Variants in STIM2 observed in about 807,000 individuals in gnomAD.
STIM2 encodes stromal interaction molecule 2.
A neutral mutation model predicts 85.8 loss-of-function variants in STIM2; 31 were observed. The ratio of observed to expected loss-of-function variants is 0.36; its 90% CI spans 0.27 to 0.49. The LOEUF (loss-of-function observed/expected upper bound fraction) is 0.49. Ranked by LOEUF, STIM2 falls within the 20% of genes least tolerant of loss-of-function variation. STIM2 has a pLI of 0.98. For synonymous variants in STIM2, 356 were observed against 331.1 expected (o/e 1.08, Z -0.82); for missense variants, 841 against 927.6 (o/e 0.91, Z 1.21).
chr4:26,963,248 T>G (rs1726550898), intron 3 of STIM2, among the ~76,000 whole-genome samples: 1 of 152,088 alleles, frequency 6.6e-6, no homozygotes, highest in Admixed American at 6.6e-5. Context: ...GTAAGGGAAG[T>G]TATAAATATT....
intron 2 of STIM2, among the ~76,000 whole-genome samples, chr4:26,928,518 G>T (rs1412430192): frequency 6.6e-6 from 1 of 152,100 alleles, no homozygotes; most frequent in Admixed American, 6.6e-5. Flanking sequence ...TACCTCATCA[G>T]ATATACTTTT....
At chr4:27,007,440 C>CTTTTT (rs74272718) in intron 7 of STIM2, 93 bp from the exon 8 acceptor site, 1 of 633,506 alleles carries the variant, frequency 1.6e-6, no homozygotes, top group Non-Finnish European at 2.3e-6. Flanking sequence ...ATTAAAATAG[C>CTTTTT]TTTTTTTTTT....
chr4:26,952,541 C>T (rs1359283552), intron 2 of STIM2, among the ~76,000 whole-genome samples: 1 of 151,888 alleles, frequency 6.6e-6, no homozygotes, highest in Non-Finnish European at 1.5e-5. Context: ...TCCTCATAAC[C>T]CTTTGAAGGT....
intron 1 of STIM2, among the ~76,000 whole-genome samples, chr4:26,883,523 A>C (rs1441759735): frequency 5.3e-5 from 8 of 152,166 alleles, no homozygotes; most frequent in Admixed American, 4.6e-4. Flanking sequence ...TTATAGAAAC[A>C]CAGGAATGAG....
At chr4:26,909,325 A>G (rs1281856962) in intron 1 of STIM2, among the ~76,000 whole-genome samples, 1 of 152,208 alleles carries the variant, frequency 6.6e-6, no homozygotes, top group Non-Finnish European at 1.5e-5. Flanking sequence ...ATAACCTTGC[A>G]AGGGTGCTAT....
chr4:27,001,591 T>C (rs1206151604), intron 5 of STIM2, among the ~76,000 whole-genome samples: 7 of 152,164 alleles, frequency 4.6e-5, no homozygotes, highest in Admixed American at 4.6e-4. Context: ...TTGCGCACTG[T>C]AGGGTGTTCA....
chr4:26,900,288 A>G (rs1723869829), intron 1 of STIM2, among the ~76,000 whole-genome samples: 1 of 152,260 alleles, frequency 6.6e-6, no homozygotes, highest in East Asian at 1.9e-4. Flanking sequence ...AATACTAGGT[A>G]ATTGAGAGAA....
At chr4:26,930,892 T>C (rs1725184332) in intron 2 of STIM2, among the ~76,000 whole-genome samples, 1 of 152,298 alleles carries the variant, frequency 6.6e-6, no homozygotes, top group African/African-American at 2.4e-5. Context: ...AACACACATT[T>C]CTCATTTCAT....
chr4:27,007,934 C>CT, intron 8 of STIM2: 1 of 721,786 alleles, frequency 1.4e-6, no homozygotes, highest in Non-Finnish European at 2.5e-6. Context: ...AAACATTATT[C>CT]TTTTTTATCA....
chr4:26,901,518 A>G (rs1405171318), intron 1 of STIM2, among the ~76,000 whole-genome samples: 1 of 152,190 alleles, frequency 6.6e-6, no homozygotes, highest in Non-Finnish European at 1.5e-5. Context: ...CCTCATTGCA[A>G]AGGTATAACT....
intron 4 of STIM2, among the ~76,000 whole-genome samples, chr4:26,997,914 A>G (rs1025787870): frequency 2.6e-5 from 4 of 152,192 alleles, no homozygotes; most frequent in African/African-American, 9.7e-5. Flanking sequence ...ATTTTTCCAT[A>G]CTTAGAGAGT....
intron 1 of STIM2, among the ~76,000 whole-genome samples, chr4:26,917,393 G>A (rs762794062): frequency 3.9e-5 from 6 of 152,104 alleles, no homozygotes; most frequent in Admixed American, 6.5e-5. Context: ...TCTGGTGCCT[G>A]ACATTTGGTA....
chr4:26,960,459 T>C (rs1726407934), intron 3 of STIM2, among the ~76,000 whole-genome samples: 1 of 152,206 alleles, frequency 6.6e-6, no homozygotes, highest in Non-Finnish European at 1.5e-5. Context: ...TTATCATTGT[T>C]GTGTCTCCCA....
intron 3 of STIM2, among the ~76,000 whole-genome samples, chr4:26,972,677 T>TC: frequency 6.6e-6 from 1 of 152,350 alleles, no homozygotes; most frequent in Non-Finnish European, 1.5e-5. Context: ...TCGTTGTTGA[T>TC]CAGGGATATT....
chr4:26,880,647 A>ATATATATGTAAATATATATATATG lies in STIM2; in HGVS notation c.151+19285_151+19286insGTAAATATATATATATGTATATAT, dbSNP rs112602704. 2.7e-3 allele frequency among the ~76,000 whole-genome samples: 385 copies of ATATATATGTAAATATATATATATG among 145,206 alleles called. 2 individuals are homozygous for ATATATATGTAAATATATATATATG. The highest frequency in any genetic ancestry group is 4.4e-3 in the Non-Finnish European group (296 of 66,798). On this transcript the variant is annotated intron_variant, in intron 1 of 11. Transcript: ENST00000467087. ...AATATATATATAAATATATATGTAA[A>ATATATATGTAAATATATATATATG]TATATATATAAATATATATGTAAAT...
chr4:26,919,126 GT>G (rs113389815), intron 1 of STIM2, among the ~76,000 whole-genome samples: 261 of 136,132 alleles, frequency 1.9e-3, no homozygotes, highest in Middle Eastern at 3.7e-3. Flanking sequence ...ATTTTTTAGT[GT>G]TTTTTTTTTT....
chr4:26,972,251 A>G (rs1028500059), intron 3 of STIM2, among the ~76,000 whole-genome samples: 5 of 151,942 alleles, frequency 3.3e-5, no homozygotes, highest in Non-Finnish European at 5.9e-5. Flanking sequence ...TTGCCTGATT[A>G]CCCTGGCCAC....
rs1472046400 is a variant in STIM2, at chr4:27,023,102, A to G, written c.*106A>G. 9.0e-7 allele frequency: 1 copy of G among 1,114,918 alleles called. No individual in the cohort carries two copies. Among genetic ancestry groups the G allele is most frequent in the Non-Finnish European group, 1.3e-6 (1 of 779,202 alleles). The allele number at this position is 1,114,918 out of a possible 1,614,324, so 69.1% of individuals were successfully genotyped here. A position where few individuals can be genotyped will look rare whatever the true frequency, so the allele number is the denominator to read the frequency against. ...GGTTTAATTTTAGGAATGTAACTCC[A>G]TTGGGGCTTTCCAGGCCGGATGCCA... On this transcript the variant is annotated 3_prime_UTR_variant, in exon 12 of 12. Transcript: ENST00000467087.
At chr4:26,866,764 T>A (rs1026642747) in intron 1 of STIM2, among the ~76,000 whole-genome samples, 29 of 152,188 alleles carry the variant, frequency 1.9e-4, no homozygotes, top group Admixed American at 8.5e-4. Flanking sequence ...ACAAATATGG[T>A]ACCTTTTCTT....
Sources: gnomAD v4.1 joint callset for allele counts (sites outside exome capture counted in the v4.1 genomes callset) on GRCh38, gnomAD v4.1.1 for gene constraint, MANE v1.5 for transcripts, NCBI Gene and HGNC (gene_info 2026-07-23, HGNC 2026-07-21) for gene names.